Variants in SLCO2B1 observed in about 807,000 individuals in gnomAD.
SLCO2B1 encodes OATP-RP2.
SLCO2B1 carries 41 observed loss-of-function variants against 67.3 expected under a neutral mutation model. That is an observed-to-expected ratio of 0.61 (90% CI 0.47 to 0.79). The LOEUF (loss-of-function observed/expected upper bound fraction) is 0.79, where lower values mean the gene tolerates loss of function less well. Among genes scored for constraint, SLCO2B1 ranks in the 30% least tolerant of loss-of-function variants. The pLI, the probability that SLCO2B1 is intolerant of heterozygous loss-of-function variation, is 0.00. For missense variants in SLCO2B1, 837 were observed against 920.1 expected (o/e 0.91, Z 1.17); for synonymous variants, 379 against 381.4 (o/e 0.99, Z 0.07).
rs200453426 is a variant in SLCO2B1 at position 75,193,401 on chromosome 11, C to G, written c.1259C>G (p.Ser420Trp). 4.3e-5 allele frequency: 70 copies of G among 1,614,214 alleles called. No individual in the cohort carries two copies. The highest frequency in any genetic ancestry group is 5.8e-5 in the Non-Finnish European group (69 of 1,180,014). Residue 420 changes from serine to tryptophan, a missense_variant, in exon 9 of 14, where the codon TCG (serine) becomes TGG (tryptophan). Ser to Trp is a radical substitution (Grantham distance 177). Coordinates refer to ENST00000289575, the MANE Select transcript of SLCO2B1 (RefSeq NM_007256.5). The surrounding 1 kb of genome is among the most constrained non-coding windows in gnomAD (Gnocchi z 4.2). ...NLLIGCLSFP[S>W]VIVGIVVGGV... The stretch of plus-strand genomic sequence containing the variant: ...CTCATCGGCTGCCTCTCCTTCCCTT[C>G]GGTCATCGTGGGCATCGTGGTGGGT...
At chr11:75,180,642 T>C (rs1781139292) in intron 7 of SLCO2B1, among the ~76,000 whole-genome samples, 1 of 152,248 alleles carries the variant, frequency 6.6e-6, no homozygotes, top group Non-Finnish European at 1.5e-5. Flanking sequence ...CACTATAGTC[T>C]ATAAAAGGTT....
intron 13 of SLCO2B1, 114 bp downstream of exon 13, chr11:75,203,541 G>A (rs1040018821): frequency 2.6e-5 from 35 of 1,354,782 alleles, no homozygotes; most frequent in Admixed American, 9.0e-5. Context: ...TAGGTGACAG[G>A]TGTCATTATA....
intron 1 of SLCO2B1, among the ~76,000 whole-genome samples, chr11:75,155,614 T>G (rs1014650384): frequency 6.6e-6 from 1 of 152,160 alleles, no homozygotes; most frequent in Admixed American, 6.5e-5. Context: ...CATGCCACCA[T>G]GCCCGGCTAA....
chr11:75,153,147 T>G (rs1949711346), intron 1 of SLCO2B1, among the ~76,000 whole-genome samples: 1 of 152,212 alleles, frequency 6.6e-6, no homozygotes, highest in Non-Finnish European at 1.5e-5. Context: ...CCCATTCTGG[T>G]GACATTTGCC....
chr11:75,164,170 CCT>C (rs1221096771), intron 3 of SLCO2B1, 70 bp downstream of exon 3: 2 of 1,504,504 alleles, frequency 1.3e-6, no homozygotes, highest in Admixed American at 4.0e-5. Flanking sequence ...ACCAGCCTCC[CCT>C]CTCACTACCC....
At chr11:75,178,532 T>G (rs898209063) in intron 7 of SLCO2B1, among the ~76,000 whole-genome samples, 8 of 152,248 alleles carry the variant, frequency 5.3e-5, no homozygotes, top group Non-Finnish European at 1.2e-4. Context: ...AAAAATTATA[T>G]GTATTTATGG....
chr11:75,160,191 G>T (rs961093398), intron 1 of SLCO2B1, among the ~76,000 whole-genome samples: 17 of 152,222 alleles, frequency 1.1e-4, no homozygotes, highest in African/African-American at 4.1e-4. Flanking sequence ...CCCCTTGGTG[G>T]ACTGGCACTG....
chr11:75,191,299 G>C (rs1945020239), intron 8 of SLCO2B1, among the ~76,000 whole-genome samples: 1 of 152,168 alleles, frequency 6.6e-6, no homozygotes, highest in Non-Finnish European at 1.5e-5. Context: ...CCTGGACCAT[G>C]CCAGATTGAA....
intron 11 of SLCO2B1, 146 bp downstream of exon 11, chr11:75,200,533 C>A: frequency 2.8e-6 from 2 of 710,434 alleles, no homozygotes; most frequent in Non-Finnish European, 2.1e-6. Flanking sequence ...GTGTTCATCC[C>A]ATGGCAACCT....
intron 7 of SLCO2B1, among the ~76,000 whole-genome samples, chr11:75,183,499 T>A (rs1950112396): frequency 6.6e-6 from 1 of 152,202 alleles, no homozygotes; most frequent in South Asian, 2.1e-4. Context: ...ATCAGGGCTG[T>A]CTGACTCAGG....
chr11:75,158,903 G>C (rs1415679894), intron 1 of SLCO2B1, among the ~76,000 whole-genome samples: 2 of 152,208 alleles, frequency 1.3e-5, no homozygotes, highest in African/African-American at 4.8e-5. Flanking sequence ...ACAGGTAAAG[G>C]AAGGCGGTCC....
intron 2 of SLCO2B1, chr11:75,163,025 C>G: frequency 2.8e-6 from 1 of 351,690 alleles, no homozygotes. Flanking sequence ...TGGAGTAGTA[C>G]AGGATGAGGC....
At chr11:75,202,726 G>A in intron 11 of SLCO2B1, 175 bp from the exon 12 acceptor site, 1 of 637,186 alleles carries the variant, frequency 1.6e-6, no homozygotes. Context: ...GGCTCTGCAG[G>A]TTGAAAAAGG....
intron 4 of SLCO2B1, among the ~76,000 whole-genome samples, chr11:75,166,648 T>C (rs1257477194): frequency 2.0e-5 from 3 of 147,746 alleles, no homozygotes; most frequent in East Asian, 2.2e-4. Flanking sequence ...TACTCATCCA[T>C]CTATTTATCT....
At chr11:75,185,749 C>T (rs535245865) in intron 7 of SLCO2B1, among the ~76,000 whole-genome samples, 2 of 151,852 alleles carry the variant, frequency 1.3e-5, no homozygotes, top group South Asian at 4.2e-4. Context: ...AGGGTGTTCC[C>T]GAAAGTAAGA....
intron 9 of SLCO2B1, chr11:75,196,148 C>T (rs1019592211): frequency 1.0e-5 from 2 of 194,124 alleles, no homozygotes; most frequent in African/African-American, 4.7e-5. Context: ...CTCTGATTTT[C>T]TGAGAAATGA....
intron 8 of SLCO2B1, among the ~76,000 whole-genome samples, chr11:75,191,547 G>A (rs1425066744): frequency 6.6e-6 from 1 of 152,152 alleles, no homozygotes; most frequent in Admixed American, 6.5e-5. Context: ...TGGTTCCCAA[G>A]GAAACAGATC....
chr11:75,201,394 G>T (rs992699588), intron 11 of SLCO2B1: 4 of 152,162 alleles, frequency 2.6e-5, no homozygotes, highest in Admixed American at 2.6e-4. Context: ...AAGTGTGGGG[G>T]TATTTTCCCA....
At chr11:75,151,549 G>C in intron 1 of SLCO2B1, 152 bp downstream of exon 1, 1 of 759,838 alleles carries the variant, frequency 1.3e-6, no homozygotes, top group Non-Finnish European at 2.2e-6. Flanking sequence ...GTTCAGTGAA[G>C]GTGTGTTAAA....
Sources: gnomAD v4.1 joint callset for allele counts (sites outside exome capture counted in the v4.1 genomes callset) on GRCh38, gnomAD v4.1.1 for gene constraint, Gnocchi (gnomAD v3.1) non-coding constraint, MANE v1.5 for transcripts, NCBI Gene and HGNC (gene_info 2026-07-23, HGNC 2026-07-21) for gene names.